The following ANKS1A variants were observed in gnomAD, a reference collection of about 807,000 sequenced individuals.
ANKS1A encodes ankyrin repeat and sterile alpha motif domain containing 1A.
In ANKS1A, 55 loss-of-function variants were observed where a neutral mutation model predicts 120.3. The ratio of observed to expected loss-of-function variants is 0.46; its 90% CI spans 0.37 to 0.57. The LOEUF is 0.57. Ranked by LOEUF, ANKS1A falls within the 20% of genes least tolerant of loss-of-function variation. The pLI is 0.00. For synonymous variants in ANKS1A, 590 were observed against 604.7 expected (o/e 0.98, Z 0.36); for missense variants, 1,123 against 1,480.3 (o/e 0.76, Z 3.96).
At chr6:34,948,782 C>T (rs1040123121) in intron 1 of ANKS1A, among the ~76,000 whole-genome samples, 1 of 152,206 alleles carries the variant, frequency 6.6e-6, no homozygotes, top group African/African-American at 2.4e-5. Context: ...TTTTGTTTAT[C>T]TGTCCACTGG....
rs1202376028 is a variant in ANKS1A, at chr6:35,039,617, C to T, written c.2011-14482C>T. 2.4e-5 allele frequency: 11 copies of T among 456,630 alleles called. No individual in the cohort carries two copies. In the East Asian group the frequency reaches 4.9e-4, roughly 20 times the overall value. The allele number at this position is 456,630 out of a possible 1,614,324, so 28.3% of individuals were successfully genotyped here. A position where few individuals can be genotyped will look rare whatever the true frequency, so the allele number is the denominator to read the frequency against. On this transcript the variant is annotated intron_variant, in intron 11 of 23. Transcript: ENST00000360359. The stretch of plus-strand genomic sequence containing the variant: ...CACTTACCAAATTAAGGGGCTACTG[C>T]CACGTGCGTCCCTGTTGAAGTGGGA...
At chr6:34,896,280 G>A (rs1207146712) in intron 1 of ANKS1A, among the ~76,000 whole-genome samples, 6 of 152,040 alleles carry the variant, frequency 3.9e-5, no homozygotes, top group Non-Finnish European at 8.8e-5. Flanking sequence ...ATGTTGGCCA[G>A]GCTAGTCTCG....
intron 1 of ANKS1A, among the ~76,000 whole-genome samples, chr6:34,930,505 C>G (rs1581707493): frequency 6.6e-6 from 1 of 152,282 alleles, no homozygotes; most frequent in South Asian, 2.1e-4. Flanking sequence ...TCTTCCAAAT[C>G]CCAGGTTGCT....
intron 1 of ANKS1A, among the ~76,000 whole-genome samples, chr6:34,939,397 C>T (rs1051242635): frequency 1.3e-5 from 2 of 152,184 alleles, no homozygotes; most frequent in Admixed American, 1.3e-4. Flanking sequence ...AGTTTGCCTG[C>T]AGATCTTGTT....
At chr6:35,054,006 C>A in intron 11 of ANKS1A, 93 bp from the exon 12 acceptor site, 1 of 997,046 alleles carries the variant, frequency 1.0e-6, no homozygotes, top group Admixed American at 1.8e-5. Context: ...CTGAAAGAGA[C>A]CTGGAGGTCA....
At chr6:34,992,490 A>G (rs143257921) in intron 9 of ANKS1A, among the ~76,000 whole-genome samples, 2 of 152,294 alleles carry the variant, frequency 1.3e-5, no homozygotes, top group East Asian at 3.9e-4. Context: ...CGGAGGCTAT[A>G]TGAGAGTTCT....
At chr6:34,950,385 C>T (rs543912059) in intron 1 of ANKS1A, among the ~76,000 whole-genome samples, 7 of 152,078 alleles carry the variant, frequency 4.6e-5, no homozygotes, top group East Asian at 1.9e-4. Context: ...CCCGCCACCA[C>T]GCCCAGCTAA....
intron 3 of ANKS1A, among the ~76,000 whole-genome samples, chr6:34,974,804 T>C (rs535298488): frequency 6.6e-6 from 1 of 152,334 alleles, no homozygotes; most frequent in African/African-American, 2.4e-5. Flanking sequence ...CTAGTAATAT[T>C]TGAGATACTA....
chr6:34,917,773 A>T (rs1768237174), intron 1 of ANKS1A, among the ~76,000 whole-genome samples: 1 of 152,188 alleles, frequency 6.6e-6, no homozygotes, highest in Non-Finnish European at 1.5e-5. Context: ...TCACCTCTCC[A>T]AGCATGGCTG....
At chr6:34,960,529 A>G (rs949310629) in intron 1 of ANKS1A, among the ~76,000 whole-genome samples, 3 of 152,060 alleles carry the variant, frequency 2.0e-5, no homozygotes, top group Admixed American at 1.3e-4. Flanking sequence ...GGCTGTTTCT[A>G]TTCATCAAAA....
intron 1 of ANKS1A, among the ~76,000 whole-genome samples, chr6:34,902,786 A>G (rs1227674254): frequency 2.1e-5 from 3 of 140,624 alleles, no homozygotes; most frequent in Admixed American, 2.1e-4. Context: ...CCGGGCGACA[A>G]AGCAAGACTC....
intron 1 of ANKS1A, among the ~76,000 whole-genome samples, chr6:34,917,489 G>T (rs1768224506): frequency 6.6e-6 from 1 of 152,188 alleles, no homozygotes; most frequent in Admixed American, 6.5e-5. Context: ...CCACTGTGTA[G>T]CTAGATTCAA....
chr6:35,078,199 C>T (rs1219013636), intron 13 of ANKS1A, among the ~76,000 whole-genome samples: 5 of 152,168 alleles, frequency 3.3e-5, no homozygotes, highest in Non-Finnish European at 5.9e-5. Context: ...CTAAGAGGAA[C>T]CTTAGGATGA....
At chr6:35,051,629 G>A (rs781683450) in intron 11 of ANKS1A, among the ~76,000 whole-genome samples, 2 of 152,122 alleles carry the variant, frequency 1.3e-5, no homozygotes, top group Non-Finnish European at 2.9e-5. Flanking sequence ...CAGGCCCAGC[G>A]GGTGACAAGG....
At chr6:35,007,494 G>A (rs148263881) in intron 10 of ANKS1A, among the ~76,000 whole-genome samples, 7 of 152,336 alleles carry the variant, frequency 4.6e-5, no homozygotes, top group Admixed American at 1.3e-4. Context: ...TTTGTATAGC[G>A]TAGTCATTTA....
chr6:34,900,845 TA>T lies in ANKS1A; in HGVS notation c.197+11257del, dbSNP rs879829769. On this transcript the variant is annotated intron_variant, in intron 1 of 23. Transcript: ENST00000360359. ...ACTACATACAGTGAGGTAGGCTCAT[TA>T]AAAAAAAAAATTGGCAAATTCCCTG... Among the ~76,000 whole-genome samples the T allele has an allele frequency of 3.1e-3, 464 of 147,510 alleles. 4 individuals are homozygous for T. The highest frequency in any genetic ancestry group is 0.01 in the African/African-American group (414 of 40,506).
chr6:35,038,154 C>T (rs769259743), intron 11 of ANKS1A: 1 of 456,386 alleles, frequency 2.2e-6, no homozygotes, highest in Non-Finnish European at 4.4e-6. Context: ...CCAACCCGCA[C>T]CCCCATCTTG....
At chr6:35,048,772 C>T (rs1775835932) in intron 11 of ANKS1A, among the ~76,000 whole-genome samples, 1 of 152,180 alleles carries the variant, frequency 6.6e-6, no homozygotes, top group African/African-American at 2.4e-5. Flanking sequence ...GTTCTCTGCA[C>T]AGCCTAAGGA....
At chr6:34,913,619 T>TTTGTTGTTG (rs549695039) in intron 1 of ANKS1A, among the ~76,000 whole-genome samples, 117 of 151,222 alleles carry the variant, frequency 7.7e-4, no homozygotes, top group African/African-American at 2.7e-3. Context: ...AACAAAATAG[T>TTTGTTGTTG]TTGTTGTTGT....
Sources: gnomAD v4.1 joint callset for allele counts (sites outside exome capture counted in the v4.1 genomes callset) on GRCh38, gnomAD v4.1.1 for gene constraint, MANE v1.5 for transcripts, NCBI Gene and HGNC (gene_info 2026-07-23, HGNC 2026-07-21) for gene names.